The following HERC1 variants were observed in gnomAD, a reference collection of about 807,000 sequenced individuals.
The protein encoded by HERC1 is probable E3 ubiquitin-protein ligase HERC1.
HERC1 carries 160 observed loss-of-function variants against 554.3 expected under a neutral mutation model. The observed-to-expected ratio is 0.29, with a 90% confidence interval of 0.25 to 0.33. The LOEUF is 0.33. HERC1 is among the 10% of genes least tolerant of loss of function. The probability of loss-of-function intolerance (pLI) is 1.00; values close to 1 mark genes in which losing one functional copy is unlikely to be tolerated. For synonymous variants in HERC1, 2,175 were observed against 2,131.7 expected (o/e 1.02, Z -0.56); for missense variants, 4,919 against 5,918.5 (o/e 0.83, Z 5.54).
chr15:63,626,752 A>G (rs2068318476), intron 70 of HERC1, among the ~76,000 whole-genome samples: 1 of 152,212 alleles, frequency 6.6e-6, no homozygotes, highest in South Asian at 2.1e-4. Flanking sequence ...TAAAAACAAG[A>G]TACAAACTCA....
At chr15:63,670,766 T>C (rs747335874) in intron 39 of HERC1, among the ~76,000 whole-genome samples, 1 of 151,984 alleles carries the variant, frequency 6.6e-6, no homozygotes, top group East Asian at 1.9e-4. Context: ...TATTAGAATG[T>C]CGTATCAGGC....
chr15:63,678,467 G>A, intron 36 of HERC1, 102 bp from the exon 37 acceptor site: 1 of 1,344,392 alleles, frequency 7.4e-7, no homozygotes, highest in African/African-American at 1.5e-5. Flanking sequence ...TAGTATTTGG[G>A]TCTCTTCATA....
In HERC1 at chr15:63,661,182, G is replaced by A. The variant is rs528002422; in HGVS notation, c.9171-157C>T. Among the ~76,000 whole-genome samples the A allele has an allele frequency of 2.0e-5, 3 of 152,236 alleles. No individual in the cohort carries two copies. In the East Asian group the frequency reaches 5.8e-4, roughly 29 times the overall value. On this transcript the variant is annotated intron_variant, in intron 45 of 77. Coordinates refer to ENST00000443617, the MANE Select transcript of HERC1 (RefSeq NM_003922.4). ...ATAGGCTAACATAATAAAAACTGCT[G>A]GTATGTAGGTACACACATGCTTACA...
chr15:63,764,850 G>T (rs374531552), intron 2 of HERC1, among the ~76,000 whole-genome samples: 15 of 152,352 alleles, frequency 9.8e-5, no homozygotes, highest in Admixed American at 5.2e-4. Flanking sequence ...TTGCTAATAA[G>T]ATCTCAGGAG....
intron 41 of HERC1, 42 bp from the exon 42 acceptor site, chr15:63,666,192 G>A (rs368295742): frequency 6.6e-7 from 1 of 1,520,432 alleles, no homozygotes; most frequent in East Asian, 2.3e-5. Context: ...TTTGGGCAAA[G>A]AATTAGGTCT....
rs2075519622 is a variant in HERC1, at chr15:63,758,966, C to G, written c.1027-597G>C. Among the ~76,000 whole-genome samples, 1 of 152,100 alleles carries G rather than the reference C, an allele frequency of 6.6e-6. No homozygotes were observed. Among genetic ancestry groups the G allele is most frequent in the South Asian group, 2.1e-4 (1 of 4,828 alleles). Reference sequence around the variant, plus strand: ...CTAGACTCAAACTCCTGGGTTCAAGCAATCCTCCCACCTCAGCCCCCCAAG... The same window carrying G: ...CTAGACTCAAACTCCTGGGTTCAAGGAATCCTCCCACCTCAGCCCCCCAAG... On this transcript the variant is annotated intron_variant, in intron 3 of 77. Transcript: ENST00000443617. The surrounding 1 kb of genome is among the most constrained non-coding windows in gnomAD (Gnocchi z 4.0).
intron 3 of HERC1, among the ~76,000 whole-genome samples, chr15:63,761,884 T>C (rs556528679): frequency 1.9e-4 from 29 of 152,322 alleles, no homozygotes; most frequent in Non-Finnish European, 1.2e-4. Context: ...AAAAATTCTA[T>C]AGCTGTGAAT....
intron 1 of HERC1, among the ~76,000 whole-genome samples, chr15:63,794,996 G>A (rs192336463): frequency 1.0e-3 from 152 of 151,064 alleles, no homozygotes; most frequent in Middle Eastern, 3.4e-3. Flanking sequence ...AACCTGGGAG[G>A]CGGGGGTTGC....
At chr15:63,623,636 A>G (rs2068180947) in intron 73 of HERC1, 89 bp downstream of exon 73, 2 of 1,265,446 alleles carry the variant, frequency 1.6e-6, no homozygotes, top group African/African-American at 1.5e-5. Flanking sequence ...TACATTTATA[A>G]AAACATGCCT....
At chr15:63,738,654 T>C (rs1411117658) in intron 12 of HERC1, among the ~76,000 whole-genome samples, 1 of 152,096 alleles carries the variant, frequency 6.6e-6, no homozygotes, top group Non-Finnish European at 1.5e-5. Context: ...ATAGATAAAT[T>C]ACTATAAGTT....
At chr15:63,654,001 T>A in intron 51 of HERC1, 118 bp downstream of exon 51, 1 of 733,768 alleles carries the variant, frequency 1.4e-6, no homozygotes, top group Non-Finnish European at 2.3e-6. Context: ...TGTGTATGTG[T>A]ACGTGTGAAA....
At position 63,774,471 on chromosome 15, in the gene HERC1, A is replaced by T. The variant is rs140304406; in HGVS notation, c.930+223T>A. ...GTTCACATGAGAATCCACAAAGCTA[A>T]AACTATAAACCTGACTTCTGATGCA... On this transcript the variant is annotated intron_variant, in intron 2 of 77. Coordinates refer to ENST00000443617, the MANE Select transcript of HERC1 (RefSeq NM_003922.4). Among the ~76,000 whole-genome samples the T allele has an allele frequency of 2.0e-5, 3 of 152,300 alleles. No individual in the cohort carries two copies. In the East Asian group the frequency reaches 5.8e-4, roughly 29 times the overall value.
chr15:63,728,654 T>C (rs2140894746), intron 16 of HERC1, among the ~76,000 whole-genome samples: 1 of 152,130 alleles, frequency 6.6e-6, no homozygotes, highest in South Asian at 2.1e-4. Flanking sequence ...CTCAGCTAGA[T>C]GGAAATATAG....
At position 63,661,018 on chromosome 15, in the gene HERC1, C is replaced by T. The variant is rs761220132; in HGVS notation, c.9178G>A (p.Gly3060Arg). ...SKSTSSERYK[G>R]QAPDLIGKQD... is the part of the protein sequence containing the mutation. ...TTGCCAATTAGATCTGGAGCTTGTC[C>T]CTTGTACCTGCACCAAACATGAAGA... Residue 3060 changes from glycine to arginine, a missense_variant, in exon 46 of 78, where the codon GGA becomes AGA. Transcript: ENST00000443617. 2 of 1,611,704 alleles carry T rather than the reference C, an allele frequency of 1.2e-6. No individual in the cohort carries two copies. Among genetic ancestry groups the T allele is most frequent in the Non-Finnish European group, 8.5e-7 (1 of 1,177,926 alleles).
chr15:63,649,693 T>A (rs757824815), intron 54 of HERC1, 32 bp downstream of exon 54: 1 of 1,567,790 alleles, frequency 6.4e-7, no homozygotes, highest in Non-Finnish European at 8.7e-7. Flanking sequence ...AGTTGGAGAC[T>A]CCGTCAGCTA....
chr15:63,675,180 G>C, intron 37 of HERC1, 63 bp from the exon 38 acceptor site: 1 of 1,358,458 alleles, frequency 7.4e-7, no homozygotes, highest in African/African-American at 1.5e-5. Flanking sequence ...AGGAAGGTAC[G>C]GAAAATAATG....
intron 68 of HERC1, among the ~76,000 whole-genome samples, chr15:63,630,879 T>A (rs908995222): frequency 1.3e-5 from 2 of 152,230 alleles, no homozygotes; most frequent in Admixed American, 6.5e-5. Flanking sequence ...AAAAGTTGTA[T>A]CTAAACTCGG....
intron 3 of HERC1, among the ~76,000 whole-genome samples, chr15:63,761,648 C>T (rs1203756747): frequency 1.3e-5 from 2 of 149,802 alleles, no homozygotes; most frequent in African/African-American, 4.9e-5. Flanking sequence ...AGATGTAATA[C>T]AATTATTAAA....
At chr15:63,704,095 T>C (rs951225328) in intron 25 of HERC1, among the ~76,000 whole-genome samples, 2 of 151,978 alleles carry the variant, frequency 1.3e-5, no homozygotes, top group Non-Finnish European at 2.9e-5. Context: ...ATCTGGTCTA[T>C]ACTGACAAAA....
Sources: gnomAD v4.1 joint callset for allele counts (sites outside exome capture counted in the v4.1 genomes callset) on GRCh38, gnomAD v4.1.1 for gene constraint, Gnocchi (gnomAD v3.1) non-coding constraint, MANE v1.5 for transcripts, NCBI Gene and HGNC (gene_info 2026-07-23, HGNC 2026-07-21) for gene names.